The following SLC24A3 variants were observed in gnomAD, a reference collection of about 807,000 sequenced individuals.
SLC24A3 encodes sodium/potassium/calcium exchanger 3.
SLC24A3 carries 28 observed loss-of-function variants against 75.8 expected under a neutral mutation model. The observed-to-expected ratio is 0.37, with a 90% CI of 0.27 to 0.51. The LOEUF (loss-of-function observed/expected upper bound fraction) is 0.51. Among genes scored for constraint, SLC24A3 ranks in the 20% least tolerant of loss-of-function variants. The pLI is 0.94. For missense variants in SLC24A3, 663 were observed against 847.8 expected (o/e 0.78, Z 2.71); for synonymous variants, 372 against 334.1 (o/e 1.11, Z -1.24).
chr20:19,272,286 C>T (rs1983353107), intron 1 of SLC24A3, among the ~76,000 whole-genome samples: 1 of 152,256 alleles, frequency 6.6e-6, no homozygotes, highest in South Asian at 2.1e-4. Context: ...GAGGGGCCTT[C>T]CTGGTCCTGG....
At chr20:19,568,615 G>A (rs564290140) in intron 3 of SLC24A3, among the ~76,000 whole-genome samples, 3 of 152,270 alleles carry the variant, frequency 2.0e-5, no homozygotes, top group African/African-American at 7.2e-5. Context: ...GGGAAAATGG[G>A]GAGTTATTGT....
rs148299562 is a variant in SLC24A3, at chr20:19,404,383, C to T, written c.272-111105C>T. Among the ~76,000 whole-genome samples, 296 of 152,232 alleles carry T rather than the reference C, an allele frequency of 1.9e-3. 1 individual carries two copies. The highest frequency in any genetic ancestry group is 7.0e-3 in the African/African-American group (291 of 41,548). The stretch of plus-strand genomic sequence containing the variant: ...CAGCACTGTGGACAAATAAAAACTC[C>T]CTTACCCACTTGTCATGGGGGTGTA... On this transcript the variant is annotated intron_variant, in intron 2 of 16. Transcript: ENST00000328041.
At position 19,220,180 on chromosome 20, in the gene SLC24A3, A is replaced by T. The variant is rs116637401; in HGVS notation, c.142+7196A>T. On this transcript the variant is annotated intron_variant, in intron 1 of 16. Coordinates refer to ENST00000328041, the MANE Select transcript of SLC24A3 (RefSeq NM_020689.4). ...CCTGGAACTGTCTGAACCAATAAAC[A>T]TCACTTATTTAAATCATGAAATCTA... is the stretch of plus-strand genomic sequence containing the variant. Among the ~76,000 whole-genome samples, 311 of 152,348 alleles carry T rather than the reference A, an allele frequency of 2.0e-3. 1 individual carries two copies. Among genetic ancestry groups the T allele is most frequent in the African/African-American group, 7.3e-3 (303 of 41,582 alleles).
intron 9 of SLC24A3, among the ~76,000 whole-genome samples, chr20:19,676,365 C>A (rs1354748218): frequency 1.3e-5 from 2 of 152,152 alleles, no homozygotes; most frequent in Non-Finnish European, 2.9e-5. Flanking sequence ...TCCAGCTGTT[C>A]AAACCAGCAG....
At position 19,274,432 on chromosome 20, in the gene SLC24A3, C is replaced by T. The variant is rs1018312155; in HGVS notation, c.143-6527C>T. Among the ~76,000 whole-genome samples, 3 of 152,100 alleles carry T rather than the reference C, an allele frequency of 2.0e-5. No homozygotes were observed. In the East Asian group the frequency reaches 5.8e-4, roughly 30 times the overall value. On this transcript the variant is annotated intron_variant, in intron 1 of 16. Transcript: ENST00000328041. ...GGAATGAATGTATGGCCCTGTTAGC[C>T]TCTGGCTTCCTCCTCTCCTGCTGGG...
At chr20:19,620,498 C>G (rs755260381) in intron 6 of SLC24A3, among the ~76,000 whole-genome samples, 2 of 152,150 alleles carry the variant, frequency 1.3e-5, no homozygotes, top group Non-Finnish European at 2.9e-5. Context: ...CTTGCCAGAC[C>G]CTCAGCAGTT....
chr20:19,408,569 T>C (rs1293292037), intron 2 of SLC24A3, among the ~76,000 whole-genome samples: 1 of 152,038 alleles, frequency 6.6e-6, no homozygotes, highest in East Asian at 1.9e-4. Context: ...TTTGTATTTT[T>C]GGTAGAGACA....
At chr20:19,678,719 G>A (rs1367198493) in intron 9 of SLC24A3, among the ~76,000 whole-genome samples, 4 of 150,312 alleles carry the variant, frequency 2.7e-5, no homozygotes, top group African/African-American at 4.9e-5. Flanking sequence ...GGTGGCTGCC[G>A]GGCGGAGGGG....
chr20:19,417,477 G>A (rs1475746547), intron 2 of SLC24A3, among the ~76,000 whole-genome samples: 1 of 152,178 alleles, frequency 6.6e-6, no homozygotes, highest in Non-Finnish European at 1.5e-5. Flanking sequence ...CCTCATCAGT[G>A]AACTAGAGAC....
intron 1 of SLC24A3, among the ~76,000 whole-genome samples, chr20:19,256,523 C>CT (rs1171352401): frequency 2.0e-5 from 3 of 152,178 alleles, no homozygotes; most frequent in African/African-American, 7.2e-5. Context: ...AATTCCGGCA[C>CT]TTTGGGAGGC....
At chr20:19,402,246 A>AC (rs1986565229) in intron 2 of SLC24A3, among the ~76,000 whole-genome samples, 4 of 152,348 alleles carry the variant, frequency 2.6e-5, no homozygotes, top group Middle Eastern at 3.4e-3. Context: ...TCTCAATAGG[A>AC]ATAAGCCAGA....
At chr20:19,255,589 CG>C (rs1322236530) in intron 1 of SLC24A3, among the ~76,000 whole-genome samples, 3 of 152,172 alleles carry the variant, frequency 2.0e-5, no homozygotes, top group Non-Finnish European at 4.4e-5. Context: ...TTAACTGGCA[CG>C]TGGCCTTGGG....
chr20:19,483,998 A>G (rs1988094571), intron 2 of SLC24A3, among the ~76,000 whole-genome samples: 1 of 152,212 alleles, frequency 6.6e-6, no homozygotes, highest in African/African-American at 2.4e-5. Flanking sequence ...GAATGTATAT[A>G]TCCAAAAGCA....
chr20:19,339,195 C>T (rs1483896790), intron 2 of SLC24A3, among the ~76,000 whole-genome samples: 3 of 152,180 alleles, frequency 2.0e-5, no homozygotes, highest in Non-Finnish European at 4.4e-5. Context: ...GGGAGTTCAT[C>T]GGGCCGAAGC....
In SLC24A3 at chr20:19,691,392, C is replaced by T. The variant is rs2032743548; in HGVS notation, c.1325-1867C>T. Among the ~76,000 whole-genome samples, 7 of 152,262 alleles carry T rather than the reference C, an allele frequency of 4.6e-5. No homozygotes were observed. The South Asian group carries it at 1.5e-3, about 32-fold the overall frequency. On this transcript the variant is annotated intron_variant, in intron 12 of 16. Coordinates refer to ENST00000328041, the MANE Select transcript of SLC24A3 (RefSeq NM_020689.4). Reference sequence around the variant, plus strand: ...CTGAGGACAGAAAGTTAGCCAAGACCAGGGAGTATGTGAGCAGGGAGAGTG... The same window carrying T: ...CTGAGGACAGAAAGTTAGCCAAGACTAGGGAGTATGTGAGCAGGGAGAGTG...
intron 3 of SLC24A3, among the ~76,000 whole-genome samples, chr20:19,527,566 C>G (rs1424056316): frequency 6.6e-6 from 1 of 152,174 alleles, no homozygotes; most frequent in African/African-American, 2.4e-5. Context: ...AACCCCTGCT[C>G]ATGAGGCAGG....
At chr20:19,699,176 G>A (rs1212285392) in intron 15 of SLC24A3, among the ~76,000 whole-genome samples, 1 of 152,148 alleles carries the variant, frequency 6.6e-6, no homozygotes, top group African/African-American at 2.4e-5. Context: ...GGCCAAATTT[G>A]GCCCATGGGT....
intron 13 of SLC24A3, among the ~76,000 whole-genome samples, chr20:19,696,015 C>CTTTTCTTTTT (rs1555807706): frequency 9.3e-6 from 1 of 108,074 alleles, no homozygotes; most frequent in African/African-American, 3.6e-5. Context: ...TTTTCCTTTT[C>CTTTTCTTTTT]TTTTTTTTTT....
chr20:19,701,541 T>TA (rs1355337883), intron 15 of SLC24A3, among the ~76,000 whole-genome samples: 1 of 152,138 alleles, frequency 6.6e-6, no homozygotes, highest in Non-Finnish European at 1.5e-5. Flanking sequence ...TAACACAACC[T>TA]AACTTCCTTA....
Sources: allele counts gnomAD v4.1 joint callset (sites outside exome capture counted in the v4.1 genomes callset), GRCh38; gene constraint gnomAD v4.1.1; transcripts MANE v1.5; gene names NCBI Gene and HGNC (gene_info 2026-07-23, HGNC 2026-07-21).